CAPN12: variants seen among roughly 807,000 people sequenced by gnomAD.
CAPN12 encodes the protein calpain-12.
In CAPN12, 107 loss-of-function variants were observed where a neutral mutation model predicts 95.0. The observed-to-expected ratio is 1.13, with a 90% CI of 0.96 to 1.32. CAPN12 has a LOEUF of 1.32. Ranked by LOEUF, CAPN12 falls within the 40% of genes most tolerant of loss-of-function variation. CAPN12 has a pLI of 0.00. For missense variants in CAPN12, 1,136 were observed against 997.8 expected (o/e 1.14, Z -1.87); for synonymous variants, 505 against 415.5 (o/e 1.22, Z -2.62).
rs937703498 is a variant in CAPN12 at position 38,736,206 on chromosome 19, C to T, written c.1487G>A (p.Arg496His). 6 of 1,508,338 alleles carry T rather than the reference C, an allele frequency of 4.0e-6. No individual in the cohort carries two copies. The highest frequency in any genetic ancestry group is 2.9e-5 in the African/African-American group (2 of 68,984). The allele number at this position is 1,508,338 out of a possible 1,614,324, so 93.4% of individuals were successfully genotyped here. A position where few individuals can be genotyped will look rare whatever the true frequency, so the allele number is the denominator to read the frequency against. The part of the protein sequence containing the change: ...RRDVTRRCCL[R>H]PGHYLVVPST... ...CGGCACCACCAGGTAGTGGCCTGGA[C>T]GCAGGCAGCAGCGGCGGGTCACGTC... Residue 496 changes from arginine to histidine, a missense_variant, in exon 12 of 21, where the codon CGT becomes CAT. Physicochemically the swap from Arg to His is conservative, Grantham distance 29. Transcript: ENST00000328867.
rs1970760589 is a variant in CAPN12, at chr19:38,744,279, C to T, written c.-114G>A. 2 of 964,130 alleles carry T rather than the reference C, an allele frequency of 2.1e-6. No individual in the cohort carries two copies. The highest frequency in any genetic ancestry group is 3.8e-5 in the Admixed American group (2 of 52,630). 59.7% of individuals were successfully genotyped at this position (964,130 alleles called of 1,614,324 possible). A position where few individuals can be genotyped will look rare whatever the true frequency, so the allele number is the denominator to read the frequency against. ...GGTCTTTAGGCAATGAGGAGCCTTC[C>T]CTCGTTAATATTAATTGATGGTTTG... is the stretch of plus-strand genomic sequence containing the variant. On this transcript the variant is annotated 5_prime_UTR_variant, in exon 1 of 21. Coordinates refer to ENST00000328867, the MANE Select transcript of CAPN12 (RefSeq NM_144691.4).
chr19:38,742,905 G>C (rs1221914094), intron 2 of CAPN12, 128 bp downstream of exon 2: 4 of 711,522 alleles, frequency 5.6e-6, no homozygotes, highest in African/African-American at 3.6e-5. Context: ...GGGAGAGAGA[G>C]GCCTAGGGAG....
chr19:38,743,331 TC>T (rs1970674184), intron 1 of CAPN12, among the ~76,000 whole-genome samples: 2 of 112,796 alleles, frequency 1.8e-5, no homozygotes, highest in African/African-American at 3.3e-5. Context: ...GGAGTCCATG[TC>T]CCGAGCCCCT....
intron 14 of CAPN12, 183 bp from the exon 15 acceptor site, chr19:38,735,053 G>A (rs1599894152): frequency 1.6e-6 from 1 of 634,120 alleles, no homozygotes; most frequent in East Asian, 2.8e-5. Context: ...TGTGGTTGCT[G>A]GTGGGGGGCC....
intron 18 of CAPN12, among the ~76,000 whole-genome samples, chr19:38,732,719 G>A (rs1425042871): frequency 4.6e-5 from 7 of 152,014 alleles, no homozygotes; most frequent in African/African-American, 1.2e-4. Context: ...CTGGCTCTCC[G>A]ACTCCATCAC....
chr19:38,734,932 T>G, intron 14 of CAPN12, 62 bp from the exon 15 acceptor site: 1 of 1,519,980 alleles, frequency 6.6e-7, no homozygotes, highest in Non-Finnish European at 9.1e-7. Flanking sequence ...GGCCAAGCCC[T>G]GTGCTAGGGA....
Position 38,736,186 on chromosome 19 carries a change from C to G in CAPN12, c.1507G>C (p.Val503Leu). The G allele has an allele frequency of 6.6e-7, 1 of 1,513,676 alleles. No homozygotes were observed. The highest frequency in any genetic ancestry group is 8.8e-7 in the Non-Finnish European group (1 of 1,135,254). 93.8% of individuals were successfully genotyped at this position (1,513,676 alleles called of 1,614,324 possible). A position where few individuals can be genotyped will look rare whatever the true frequency, so the allele number is the denominator to read the frequency against. Residue 503 changes from valine to leucine, a missense_variant, in exon 12 of 21, where the codon GTG becomes CTG. Transcript: ENST00000328867. ...CCLRPGHYLV[V>L]PSTAHAGDEA... ...TCGCCGGCGTGGGCGGTGCTCGGCA[C>G]CACCAGGTAGTGGCCTGGACGCAGG...
chr19:38,741,057 T>C (rs1188906131), intron 4 of CAPN12, among the ~76,000 whole-genome samples: 2 of 151,984 alleles, frequency 1.3e-5, no homozygotes, highest in African/African-American at 2.4e-5. Context: ...AGGCAAAGAT[T>C]TGAGGGTCCC....
intron 7 of CAPN12, 33 bp downstream of exon 7, chr19:38,738,385 T>C (rs778188418): frequency 1.2e-6 from 2 of 1,610,042 alleles, no homozygotes; most frequent in South Asian, 2.2e-5. Context: ...GCAGGTGGGG[T>C]CCAGCCCCAC....
rs1970118257 is a variant in CAPN12 at position 38,736,127 on chromosome 19, C to G, written c.1566G>C (p.Glu522Asp). The change falls in exon 12 of 21, where the codon GAG (glutamate) becomes GAC (aspartate). Residue 522 changes from glutamate (E) to aspartate (D), a missense_variant. Transcript: ENST00000328867. ...GGGCTCACACGGCCGTGTGGCGGCG[C>G]TCGGAGAAGACACGCAGAGTGAAGT... ...EADFTLRVFS[E>D]RRHTAVEIDD... The G allele has an allele frequency of 1.3e-6, 2 of 1,505,444 alleles. No individual in the cohort carries two copies. The highest frequency in any genetic ancestry group is 2.1e-5 in the Admixed American group (1 of 47,364). The allele number at this position is 1,505,444 out of a possible 1,614,324, so 93.3% of individuals were successfully genotyped here.
intron 10 of CAPN12, chr19:38,736,789 CCTCTGGCCCTTCTAACCCCCAGCCTCT>C (rs1191164591): frequency 3.3e-6 from 2 of 611,092 alleles, no homozygotes; most frequent in Non-Finnish European, 5.7e-6. Flanking sequence ...TCCTTGGTCC[CCTCTGGCCCTTCTAACCCCCAGCCTCT>C]CTCTGTCCCT....
chr19:38,739,905 A>G (rs2145244149), intron 5 of CAPN12, 146 bp downstream of exon 5: 1 of 815,962 alleles, frequency 1.2e-6, no homozygotes, highest in African/African-American at 1.7e-5. Flanking sequence ...GAGCAAATGA[A>G]TTTATTTTTG....
intron 12 of CAPN12, among the ~76,000 whole-genome samples, 159 bp downstream of exon 12, chr19:38,735,936 TGGGGGCGGGGCGGGG>T (rs1187192363): frequency 1.8e-4 from 1 of 5,406 alleles, no homozygotes; most frequent in African/African-American, 5.4e-4. Flanking sequence ...GCGGGGGTTC[TGGGGGCGGGGCGGGG>T]CGGGGGTTCT....
Position 38,736,906 on chromosome 19 carries a change from AGCCCTACTAG to A in CAPN12, c.1362+240_1362+249del. 5 of 152,914 alleles carry A rather than the reference AGCCCTACTAG, an allele frequency of 3.3e-5. No individual in the cohort carries two copies. In the South Asian group the frequency reaches 5.9e-4, roughly 18 times the overall value. 9.5% of individuals were successfully genotyped at this position (152,914 alleles called of 1,614,324 possible). A position where few individuals can be genotyped will look rare whatever the true frequency, so the allele number is the denominator to read the frequency against. The stretch of plus-strand genomic sequence containing the variant: ...TCTCCCCTCTGAGACCTGGCCCCCC[AGCCCTACTAG>A]CCCCCTACTCCCCTCCCAGCGCCGC... On this transcript the variant is annotated intron_variant, in intron 10 of 20. Coordinates refer to ENST00000328867, the MANE Select transcript of CAPN12 (RefSeq NM_144691.4).
At position 38,744,277 on chromosome 19, in the gene CAPN12, T is replaced by C. The variant is rs1970760508; in HGVS notation, c.-112A>G. 1 of 976,716 alleles carries C rather than the reference T, an allele frequency of 1.0e-6. No individual in the cohort carries two copies. The highest frequency in any genetic ancestry group is 2.4e-5 in the East Asian group (1 of 41,656). The allele number at this position is 976,716 out of a possible 1,614,324, so 60.5% of individuals were successfully genotyped here. A position where few individuals can be genotyped will look rare whatever the true frequency, so the allele number is the denominator to read the frequency against. Reference sequence around the variant, plus strand: ...GGGGTCTTTAGGCAATGAGGAGCCTTCCCTCGTTAATATTAATTGATGGTT... The same window carrying C: ...GGGGTCTTTAGGCAATGAGGAGCCTCCCCTCGTTAATATTAATTGATGGTT... On this transcript the variant is annotated 5_prime_UTR_variant, in exon 1 of 21. Transcript: ENST00000328867.
intron 8 of CAPN12, 123 bp from the exon 9 acceptor site, chr19:38,737,761 C>A: frequency 3.1e-6 from 4 of 1,295,186 alleles, no homozygotes; most frequent in Non-Finnish European, 4.1e-6. Flanking sequence ...ACCCTTCAGG[C>A]TCCAGAAATG....
chr19:38,736,603 A>T (rs1206980805), intron 10 of CAPN12, 40 bp from the exon 11 acceptor site: 1 of 1,584,690 alleles, frequency 6.3e-7, no homozygotes, highest in Non-Finnish European at 8.6e-7. Flanking sequence ...GGCAGGGGAG[A>T]GGTGGCCGCC....
rs377331214 is a variant in CAPN12 at position 38,742,480 on chromosome 19, C to A, written c.356G>T (p.Arg119Leu). Residue 119 changes from arginine (R) to leucine (L), a missense_variant, in exon 3 of 21, where the codon CGG becomes CTG. Arg to Leu is a moderately radical substitution (Grantham distance 102, BLOSUM62 -2). Coordinates refer to ENST00000328867, the MANE Select transcript of CAPN12 (RefSeq NM_144691.4). ...AGGAGGGACCACCCGGCGCAGGAGC[C>A]GGGGATACAGAGTAAGGGAGGCGGC... ...AAAASLTLYP[R>L]LLRRVVPPGQ... 2 of 1,613,622 alleles carry A rather than the reference C, an allele frequency of 1.2e-6. No homozygotes were observed. The highest frequency in any genetic ancestry group is 1.3e-5 in the African/African-American group (1 of 74,890).
Position 38,730,194 on chromosome 19 carries a change from G to A in CAPN12, c.*658C>T. ...AAAGAAAGAATTAAAAACTTTCAGA[G>A]AATTACTATTTACTTTATTAACTTA... is the stretch of plus-strand genomic sequence containing the variant. On this transcript the variant is annotated 3_prime_UTR_variant, in exon 21 of 21. Coordinates refer to ENST00000328867, the MANE Select transcript of CAPN12 (RefSeq NM_144691.4). 1 of 153,904 alleles carries A rather than the reference G, an allele frequency of 6.5e-6. No homozygotes were observed. The highest frequency in any genetic ancestry group is 1.9e-4 in the East Asian group (1 of 5,134). The allele number at this position is 153,904 out of a possible 1,614,324, so 9.5% of individuals were successfully genotyped here. A position where few individuals can be genotyped will look rare whatever the true frequency, so the allele number is the denominator to read the frequency against.
Sources: gnomAD v4.1 joint callset for allele counts (sites outside exome capture counted in the v4.1 genomes callset) on GRCh38, gnomAD v4.1.1 for gene constraint, MANE v1.5 for transcripts, NCBI Gene and HGNC (gene_info 2026-07-23, HGNC 2026-07-21) for gene names.